ZC3H18: variants seen among roughly 807,000 people sequenced by gnomAD.
ZC3H18 encodes the protein zinc finger CCCH domain-containing protein 18.
Under a neutral mutation model 106.1 loss-of-function variants are expected in ZC3H18, and 8 were observed. That is an observed-to-expected ratio of 0.08 (90% confidence interval 0.04 to 0.14). The LOEUF is 0.14. Among genes scored for constraint, ZC3H18 ranks in the 10% least tolerant of loss-of-function variants. The pLI, the probability that ZC3H18 is intolerant of heterozygous loss-of-function variation, is 1.00. For synonymous variants in ZC3H18, 635 were observed against 522.1 expected, an observed-to-expected ratio of 1.22 and a Z score of -2.95; for missense variants, 1,318 against 1,278.4, an observed-to-expected ratio of 1.03 and a Z score of -0.47.
rs750045431 is a variant in ZC3H18, at chr16:88,577,408, C to T, written c.285C>T (p.Ser95=). The T allele has an allele frequency of 1.9e-5, 30 of 1,601,212 alleles. No homozygotes were observed. The highest frequency in any genetic ancestry group is 2.5e-5 in the Non-Finnish European group (29 of 1,172,284). The change falls in exon 2 of 18, where the codon TCC becomes TCT. Residue 95 remains serine (S), a synonymous_variant. Transcript: ENST00000301011. ...AGCTGAGCCGGGGCCCGACCAGCTCCCCCTGCGAGGAGGAGGGGGACGAAG... is the reference window on the plus strand; with the variant it reads ...AGCTGAGCCGGGGCCCGACCAGCTCTCCCTGCGAGGAGGAGGGGGACGAAG... ...VNELSRGPTS[S]PCEEEGDEGE... is the part of the protein sequence containing the mutation.
At chr16:88,599,406 G>A (rs1027255624) in intron 5 of ZC3H18, among the ~76,000 whole-genome samples, 4 of 152,180 alleles carry the variant, frequency 2.6e-5, no homozygotes, top group African/African-American at 9.7e-5. Context: ...CAGCCTCCCT[G>A]CTGGGAAATG....
At chr16:88,575,086 C>A (rs1336064241) in intron 1 of ZC3H18, among the ~76,000 whole-genome samples, 1 of 151,788 alleles carries the variant, frequency 6.6e-6, no homozygotes, top group Non-Finnish European at 1.5e-5. Flanking sequence ...GCCTCGGCCT[C>A]CCAAAGTGCT....
Position 88,590,774 on chromosome 16 carries a change from G to T in ZC3H18, c.688+4090G>T, listed in dbSNP as rs1483800518. Among the ~76,000 whole-genome samples, 3 of 151,408 alleles carry T rather than the reference G, an allele frequency of 2.0e-5. No individual in the cohort carries two copies. The East Asian group carries it at 5.8e-4, about 29-fold the overall frequency. On this transcript the variant is annotated intron_variant, in intron 3 of 17. Coordinates refer to ENST00000301011, the MANE Select transcript of ZC3H18 (RefSeq NM_144604.4). ...GGGGTTTCATCATGTTGGCCAGGCTGGTCTCGAACCCCTGACCTCAGGTGA... is the reference window on the plus strand; with the variant it reads ...GGGGTTTCATCATGTTGGCCAGGCTTGTCTCGAACCCCTGACCTCAGGTGA...
chr16:88,618,188 T>G lies in ZC3H18; in HGVS notation c.1476-4009T>G, dbSNP rs566618383. Among the ~76,000 whole-genome samples the G allele has an allele frequency of 1.7e-4, 26 of 149,708 alleles. No individual in the cohort carries two copies. The East Asian group carries it at 5.0e-3, about 29-fold the overall frequency. ...CTCAGGTCGTCCATTGGACTCCACT[T>G]TTTTTTTTTTTTGCAAAGTGTAAAG... On this transcript the variant is annotated intron_variant, in intron 8 of 17. Transcript: ENST00000301011.
intron 6 of ZC3H18, among the ~76,000 whole-genome samples, chr16:88,605,742 CAA>C (rs1419077226): frequency 2.6e-5 from 4 of 152,234 alleles, no homozygotes; most frequent in Non-Finnish European, 4.4e-5. Context: ...AATGGTTAAA[CAA>C]AGTGATCTCG....
intron 2 of ZC3H18, among the ~76,000 whole-genome samples, chr16:88,580,191 T>A (rs930221575): frequency 6.9e-4 from 57 of 82,116 alleles, no homozygotes; most frequent in East Asian, 2.3e-3. Flanking sequence ...TGTGTGTGTG[T>A]GTGTGTGTGT....
intron 5 of ZC3H18, among the ~76,000 whole-genome samples, chr16:88,599,155 C>CACAG (rs1181640470): frequency 6.6e-5 from 10 of 152,252 alleles, no homozygotes; most frequent in African/African-American, 2.4e-4. Context: ...TGCCCAGGAG[C>CACAG]ACAGGGTGCA....
rs201159815 is a variant in ZC3H18, at chr16:88,577,391, C to T, written c.268C>T (p.Arg90Trp). The change falls in exon 2 of 18, where the codon CGG becomes TGG. Residue 90 changes from arginine to tryptophan, a missense_variant. Around this residue, in one of 6 missense-constraint regions of ZC3H18, gnomAD observed 346 missense variants for 269.0 expected, o/e 1.29. Coordinates refer to ENST00000301011, the MANE Select transcript of ZC3H18 (RefSeq NM_144604.4). ...DQDSEVNELS[R>W]GPTSSPCEEE... Reference sequence around the variant, plus strand: ...GGACTCAGAGGTGAATGAGCTGAGCCGGGGCCCGACCAGCTCCCCCTGCGA... The same window carrying T: ...GGACTCAGAGGTGAATGAGCTGAGCTGGGGCCCGACCAGCTCCCCCTGCGA... The T allele has an allele frequency of 1.5e-4, 241 of 1,596,862 alleles. No individual in the cohort carries two copies. Among genetic ancestry groups the T allele is most frequent in the Middle Eastern group, 6.7e-4 (4 of 5,988 alleles).
Position 88,599,854 on chromosome 16 carries a change from G to A in ZC3H18, c.994G>A (p.Val332Met), listed in dbSNP as rs1351559127. 6 of 1,614,094 alleles carry A rather than the reference G, an allele frequency of 3.7e-6. No homozygotes were observed. The African/African-American group carries it at 4.0e-5, about 11-fold the overall frequency. ...EPDFEEKRFT[V>M]TIGEDEREFD... ...TGATTTTGAAGAGAAAAGGTTTACGGTGACCATTGGCGAAGACGAACGGGA... is the reference window on the plus strand; with the variant it reads ...TGATTTTGAAGAGAAAAGGTTTACGATGACCATTGGCGAAGACGAACGGGA... The change falls in exon 6 of 18, where the codon GTG becomes ATG. Residue 332 changes from valine to methionine, a missense_variant. Coordinates refer to ENST00000301011, the MANE Select transcript of ZC3H18 (RefSeq NM_144604.4).
chr16:88,611,444 C>G lies in ZC3H18; in HGVS notation c.1383C>G (p.Asp461Glu). ...GGGAGCGTGAGCGAGCCAAGCGGGA[C>G]GAGAAGGACCGGCAGCACCGTGACC... The part of the protein sequence containing the change: ...EEWERERAKR[D>E]EKDRQHRDRD... The change falls in exon 8 of 18, where the codon GAC becomes GAG. Residue 461 changes from aspartate to glutamate, a missense_variant. Transcript: ENST00000301011. 2.6e-6 allele frequency: 4 copies of G among 1,516,834 alleles called. No homozygotes were observed. Among genetic ancestry groups the G allele is most frequent in the Non-Finnish European group, 3.6e-6 (4 of 1,115,532 alleles). 94.0% of individuals were successfully genotyped at this position (1,516,834 alleles called of 1,614,324 possible).
chr16:88,609,464 ATTTTTTTGTAT>A (rs1905171501), intron 7 of ZC3H18, among the ~76,000 whole-genome samples: 4 of 151,512 alleles, frequency 2.6e-5, no homozygotes, highest in Admixed American at 2.0e-4. Flanking sequence ...TGCCCAGCTA[ATTTTTTTGTAT>A]TTTTTTTGTA....
chr16:88,610,729 AGAG>A (rs1385773742), intron 7 of ZC3H18, among the ~76,000 whole-genome samples: 1 of 152,248 alleles, frequency 6.6e-6, no homozygotes, highest in Admixed American at 6.5e-5. Flanking sequence ...TACTAGAAGA[AGAG>A]GAGCAGTCTT....
Position 88,609,049 on chromosome 16 carries a change from C to G in ZC3H18, c.1204C>G (p.Arg402Gly). Residue 402 changes from arginine (R) to glycine (G), a missense_variant and splice_region_variant, in exon 7 of 18, where the codon CGA becomes GGA. Physicochemically the swap from Arg to Gly is moderately radical, Grantham distance 125. Around this residue, in one of 6 missense-constraint regions of ZC3H18, gnomAD observed 848 missense variants for 821.7 expected, o/e 1.03. Transcript: ENST00000301011. ...YTETEPYHNYREREREREREN... is the reference protein window; with the variant it reads ...YTETEPYHNYGEREREREREN... ...AGAAACAGAGCCGTATCATAATTAC[C>G]GAGTAAGTATGACTTCAATATCCAC... The G allele has an allele frequency of 6.2e-7, 1 of 1,604,928 alleles. No individual in the cohort carries two copies. Among genetic ancestry groups the G allele is most frequent in the Non-Finnish European group, 8.5e-7 (1 of 1,172,362 alleles).
At chr16:88,626,180 G>C (rs1483332979) in intron 13 of ZC3H18, 1 of 151,930 alleles carries the variant, frequency 6.6e-6, no homozygotes, top group Admixed American at 6.6e-5. Context: ...TTGAACTCCT[G>C]ACCTCAGGTG....
intron 6 of ZC3H18, among the ~76,000 whole-genome samples, chr16:88,605,826 A>T (rs561173039): frequency 1.3e-5 from 2 of 152,226 alleles, no homozygotes; most frequent in Non-Finnish European, 2.9e-5. Flanking sequence ...TCCCTGGGCA[A>T]GGCTGTGGGC....
At chr16:88,574,409 A>G (rs887828397) in intron 1 of ZC3H18, among the ~76,000 whole-genome samples, 1 of 151,644 alleles carries the variant, frequency 6.6e-6, no homozygotes, top group Non-Finnish European at 1.5e-5. Context: ...GGGTTTCACC[A>G]TGTTGGCCAG....
chr16:88,622,065 G>T, intron 8 of ZC3H18, 132 bp from the exon 9 acceptor site: 1 of 1,117,324 alleles, frequency 8.9e-7, no homozygotes. Flanking sequence ...TTCCCCTTAG[G>T]ACCCTTTGTT....
intron 3 of ZC3H18, among the ~76,000 whole-genome samples, chr16:88,592,884 ATTTATTT>A (rs1385515564): frequency 7.6e-6 from 1 of 131,916 alleles, no homozygotes; most frequent in Non-Finnish European, 1.7e-5. Context: ...CAGATGTATT[ATTTATTT>A]TTATTATTCG....
intron 6 of ZC3H18, 71 bp downstream of exon 6, chr16:88,600,019 G>A (rs1397620443): frequency 6.4e-7 from 1 of 1,572,834 alleles, no homozygotes; most frequent in Non-Finnish European, 8.6e-7. Context: ...GAGCAGCCAT[G>A]TGCAGGGCCC....
Sources: gnomAD v4.1 joint callset for allele counts (sites outside exome capture counted in the v4.1 genomes callset) on GRCh38, gnomAD v4.1.1 for gene constraint, gnomAD v4.1.1 regional missense constraint, MANE v1.5 for transcripts, NCBI Gene and HGNC (gene_info 2026-07-23, HGNC 2026-07-21) for gene names.